VWC2: variants seen among roughly 807,000 people sequenced by gnomAD.
VWC2 encodes the protein brorin.
VWC2 carries 14 observed loss-of-function variants against 29.8 expected under a neutral mutation model. The ratio of observed to expected loss-of-function variants is 0.47; its 90% confidence interval spans 0.31 to 0.74. The LOEUF (loss-of-function observed/expected upper bound fraction) is 0.74. VWC2 is among the 30% of genes least tolerant of loss of function. The probability of loss-of-function intolerance (pLI) is 0.05; values close to 1 mark genes in which losing one functional copy is unlikely to be tolerated. For synonymous variants in VWC2, 213 were observed against 199.0 expected (o/e 1.07, Z -0.59); for missense variants, 457 against 459.8 (o/e 0.99, Z 0.05).
At chr7:49,811,114 T>C (rs1251758182) in intron 3 of VWC2, among the ~76,000 whole-genome samples, 1 of 151,960 alleles carries the variant, frequency 6.6e-6, no homozygotes, top group Non-Finnish European at 1.5e-5. Context: ...AAATCATGTG[T>C]CTGATAAAAG....
chr7:49,824,756 G>T (rs1441779828), intron 3 of VWC2, among the ~76,000 whole-genome samples: 1 of 151,896 alleles, frequency 6.6e-6, no homozygotes, highest in Non-Finnish European at 1.5e-5. Flanking sequence ...TTATTATACA[G>T]GTTTTGCATA....
intron 2 of VWC2, among the ~76,000 whole-genome samples, chr7:49,794,208 C>A (rs180810040): frequency 2.0e-5 from 3 of 152,192 alleles, no homozygotes; most frequent in African/African-American, 7.2e-5. Flanking sequence ...AACTCTGGTT[C>A]CCCTTCTCTT....
chr7:49,816,983 T>G (rs1789161409), intron 3 of VWC2, among the ~76,000 whole-genome samples: 1 of 152,186 alleles, frequency 6.6e-6, no homozygotes, highest in Non-Finnish European at 1.5e-5. Flanking sequence ...ATTGGCCCCC[T>G]GGGACTCCAC....
intron 3 of VWC2, among the ~76,000 whole-genome samples, chr7:49,894,317 G>A (rs6959913): frequency 0.029 from 4,372 of 152,232 alleles, 233 homozygotes; most frequent in African/African-American, 0.1. Context: ...CGCCATGCCC[G>A]GCTAATTTTT....
intron 3 of VWC2, among the ~76,000 whole-genome samples, chr7:49,903,748 G>T (rs1160458921): frequency 6.6e-6 from 1 of 152,130 alleles, no homozygotes. Flanking sequence ...CAGGGTTTGT[G>T]GTCTTGCTCC....
intron 3 of VWC2, among the ~76,000 whole-genome samples, chr7:49,867,260 A>G (rs1039998559): frequency 6.6e-6 from 1 of 152,210 alleles, no homozygotes; most frequent in African/African-American, 2.4e-5. Flanking sequence ...TGACCAAACT[A>G]TCACTAAAAA....
Position 49,900,771 on chromosome 7 carries a change from C to T in VWC2, c.827-11263C>T, listed in dbSNP as rs557938370. On this transcript the variant is annotated intron_variant, in intron 3 of 3. Transcript: ENST00000340652. The stretch of plus-strand genomic sequence containing the variant: ...ATCAATATTTTACAATTTCTTTCAG[C>T]GTTACCCTATTACCAAACCAGACAT... Among the ~76,000 whole-genome samples the T allele has an allele frequency of 5.3e-5, 8 of 151,856 alleles. No homozygotes were observed. In the East Asian group the frequency reaches 7.7e-4, roughly 15 times the overall value.
At chr7:49,882,842 G>GTGTTTTTGGGTTTTTTTTGTTTT (rs1791727711) in intron 3 of VWC2, among the ~76,000 whole-genome samples, 1 of 151,816 alleles carries the variant, frequency 6.6e-6, no homozygotes, top group African/African-American at 2.4e-5. Flanking sequence ...TCTATTTTTT[G>GTGTTTTTGGGTTTTTTTTGTTTT]TGTTTTTGGG....
chr7:49,900,000 A>ATT (rs1792626591), intron 3 of VWC2, among the ~76,000 whole-genome samples: 1 of 152,032 alleles, frequency 6.6e-6, no homozygotes, highest in African/African-American at 2.4e-5. Context: ...ATTAAATTAG[A>ATT]TATCAGTAAT....
At chr7:49,844,320 T>A (rs900202633) in intron 3 of VWC2, among the ~76,000 whole-genome samples, 1 of 152,210 alleles carries the variant, frequency 6.6e-6, no homozygotes, top group East Asian at 1.9e-4. Context: ...GTATTTACAT[T>A]TGGAAATGTC....
At chr7:49,883,679 C>T (rs957640824) in intron 3 of VWC2, among the ~76,000 whole-genome samples, 2 of 152,112 alleles carry the variant, frequency 1.3e-5, no homozygotes, top group African/African-American at 4.8e-5. Flanking sequence ...GGAAATTTCA[C>T]CTTCCGATAG....
chr7:49,907,455 T>C (rs1793167576), intron 3 of VWC2, among the ~76,000 whole-genome samples: 2 of 152,196 alleles, frequency 1.3e-5, no homozygotes, highest in South Asian at 4.2e-4. Context: ...TACATAACAG[T>C]AGGATAAAAA....
chr7:49,887,628 T>C (rs1791958097), intron 3 of VWC2, among the ~76,000 whole-genome samples: 1 of 148,196 alleles, frequency 6.7e-6, no homozygotes, highest in East Asian at 1.9e-4. Flanking sequence ...TTGTACAGGA[T>C]TCAACACAAC....
Position 49,790,616 on chromosome 7 carries a change from G to A in VWC2, c.697-12095G>A, listed in dbSNP as rs560319356. On this transcript the variant is annotated intron_variant, in intron 2 of 3. Coordinates refer to ENST00000340652, the MANE Select transcript of VWC2 (RefSeq NM_198570.5). The stretch of plus-strand genomic sequence containing the variant: ...TCTTTTTGAGGGAGAAAGTAGAGAG[G>A]GGCAGGGAGCTAGGTGGGGAGCCTT... 1.2e-3 allele frequency among the ~76,000 whole-genome samples: 183 copies of A among 152,120 alleles called. 1 individual carries two copies. The highest frequency in any genetic ancestry group is 4.2e-3 in the African/African-American group (175 of 41,504).
chr7:49,778,336 AT>A (rs1240093084), intron 2 of VWC2, among the ~76,000 whole-genome samples: 1 of 152,236 alleles, frequency 6.6e-6, no homozygotes, highest in Non-Finnish European at 1.5e-5. Context: ...TTTTTGGAAT[AT>A]TAAGTGCATC....
At chr7:49,852,957 T>C (rs1353337535) in intron 3 of VWC2, among the ~76,000 whole-genome samples, 1 of 152,168 alleles carries the variant, frequency 6.6e-6, no homozygotes, top group Non-Finnish European at 1.5e-5. Flanking sequence ...TCCAAACAAA[T>C]CCAGTCCTTT....
At chr7:49,901,697 T>A (rs1212849053) in intron 3 of VWC2, among the ~76,000 whole-genome samples, 2 of 151,800 alleles carry the variant, frequency 1.3e-5, no homozygotes, top group Non-Finnish European at 3.0e-5. Context: ...CGGATCCTGT[T>A]TTATCTGGAG....
chr7:49,806,648 T>C (rs1468341732), intron 3 of VWC2, among the ~76,000 whole-genome samples: 1 of 152,160 alleles, frequency 6.6e-6, no homozygotes, highest in Non-Finnish European at 1.5e-5. Flanking sequence ...TTTTGTTTGT[T>C]TTCCTATGTA....
At chr7:49,789,975 T>C (rs1788428636) in intron 2 of VWC2, among the ~76,000 whole-genome samples, 1 of 152,246 alleles carries the variant, frequency 6.6e-6, no homozygotes, top group South Asian at 2.1e-4. Context: ...CACGTTTGGC[T>C]GCATCCTTTC....
Sources: gnomAD v4.1 joint callset for allele counts (sites outside exome capture counted in the v4.1 genomes callset) on GRCh38, gnomAD v4.1.1 for gene constraint, MANE v1.5 for transcripts, NCBI Gene and HGNC (gene_info 2026-07-23, HGNC 2026-07-21) for gene names.